SAMD3: variants seen among roughly 807,000 people sequenced by gnomAD.
SAMD3 encodes the protein sterile alpha motif domain-containing protein 3.
In SAMD3, 63 loss-of-function variants were observed where a neutral mutation model predicts 58.5. That is an observed-to-expected ratio of 1.08 (90% CI 0.88 to 1.33). SAMD3 has a LOEUF of 1.33. SAMD3 is among the 40% of genes most tolerant of loss of function. SAMD3 has a pLI of 0.00. For synonymous variants in SAMD3, 220 were observed against 210.3 expected, an observed-to-expected ratio of 1.05 and a Z score of -0.40; for missense variants, 604 against 608.4, an observed-to-expected ratio of 0.99 and a Z score of 0.08.
At chr6:130,233,063 A>G (rs1044546418) in intron 2 of SAMD3, among the ~76,000 whole-genome samples, 1 of 152,028 alleles carries the variant, frequency 6.6e-6, no homozygotes, top group African/African-American at 2.4e-5. Flanking sequence ...TCCAAACTTC[A>G]AAGTCTGAGG....
At chr6:130,278,151 T>C (rs1774849593) in intron 2 of SAMD3, among the ~76,000 whole-genome samples, 1 of 152,160 alleles carries the variant, frequency 6.6e-6, no homozygotes, top group South Asian at 2.1e-4. Flanking sequence ...ACCACTCAGA[T>C]TGATAAACTG....
rs1299136942 is a variant in SAMD3, at chr6:130,214,267, A to G, written c.269+70T>C. On this transcript the variant is annotated intron_variant, in intron 4 of 11. Coordinates refer to ENST00000439090, the MANE Select transcript of SAMD3 (RefSeq NM_001017373.4). ...CAGTTTTCCAAGGGCTTTAAACCCA[A>G]ACGTCACGCTCTAGCCATCATTGGG... 5.4e-6 allele frequency: 7 copies of G among 1,303,250 alleles called. No homozygotes were observed. The Admixed American group carries it at 1.9e-4, about 35-fold the overall frequency. The allele number at this position is 1,303,250 out of a possible 1,614,324, so 80.7% of individuals were successfully genotyped here. A position where few individuals can be genotyped will look rare whatever the true frequency, so the allele number is the denominator to read the frequency against.
At chr6:130,226,784 T>C (rs993566498), upstream of SAMD3, among the ~76,000 whole-genome samples, 6 of 152,138 alleles carry the variant, frequency 3.9e-5, no homozygotes, top group South Asian at 6.2e-4. Flanking sequence ...GCCGAGATCA[T>C]GCCATTGCAC....
intron 2 of SAMD3, among the ~76,000 whole-genome samples, chr6:130,261,516 GTTTTGA>G (rs991520199): frequency 1.3e-5 from 2 of 152,140 alleles, no homozygotes; most frequent in Non-Finnish European, 2.9e-5. Context: ...TCTGATTTTG[GTTTTGA>G]TTTTGATTTG....
At chr6:130,342,979 A>C (rs1432011672) in intron 1 of SAMD3, among the ~76,000 whole-genome samples, 1 of 152,094 alleles carries the variant, frequency 6.6e-6, no homozygotes, top group Non-Finnish European at 1.5e-5. Flanking sequence ...AAAATGAGTT[A>C]AGTAAGTCAT....
chr6:130,226,032 CT>C (rs1796373795), upstream of SAMD3, among the ~76,000 whole-genome samples: 9 of 152,330 alleles, frequency 5.9e-5, 1 homozygote, highest in African/African-American at 2.2e-4. Context: ...CTGGTACAGT[CT>C]TCTATCCACT....
intron 2 of SAMD3, among the ~76,000 whole-genome samples, chr6:130,230,979 A>G (rs1439406601): frequency 6.6e-6 from 1 of 152,168 alleles, no homozygotes; most frequent in East Asian, 1.9e-4. Flanking sequence ...GCCTTTAGTC[A>G]TGTTCTGTTC....
Position 130,146,086 on chromosome 6 carries a change from A to T in SAMD3, c.1119T>A (p.Phe373Leu). 1 of 1,601,776 alleles carries T rather than the reference A, an allele frequency of 6.2e-7. No individual in the cohort carries two copies. Among genetic ancestry groups the T allele is most frequent in the Non-Finnish European group, 8.5e-7 (1 of 1,173,462 alleles). Residue 373 changes from phenylalanine to leucine, a missense_variant, in exon 10 of 12, where the codon TTT (phenylalanine) becomes TTA (leucine). Coordinates refer to ENST00000439090, the MANE Select transcript of SAMD3 (RefSeq NM_001017373.4). ...TATTGATTGGATTGTCCACCACTGA[A>T]AAAGAAGTCAGTATATTTTCTGAAT... ...ESYSENILTSFSVVDNPINIV... is the reference protein window; with the variant it reads ...ESYSENILTSLSVVDNPINIV...
intron 9 of SAMD3, among the ~76,000 whole-genome samples, chr6:130,148,316 G>A (rs1291843903): frequency 1.3e-5 from 2 of 152,148 alleles, no homozygotes; most frequent in Non-Finnish European, 2.9e-5. Context: ...TTACAAATCT[G>A]ATCCTTTCAT....
chr6:130,322,290 G>GTTC (rs1230566597), intron 1 of SAMD3, among the ~76,000 whole-genome samples: 2 of 152,154 alleles, frequency 1.3e-5, no homozygotes, highest in Non-Finnish European at 2.9e-5. Flanking sequence ...CCCCAAGGAA[G>GTTC]TTCTTTTTCT....
At chr6:130,276,485 T>A (rs999629741) in intron 2 of SAMD3, among the ~76,000 whole-genome samples, 1 of 151,968 alleles carries the variant, frequency 6.6e-6, no homozygotes, top group African/African-American at 2.4e-5. Context: ...ATAATATGAG[T>A]CTCTCATAAC....
At chr6:130,252,922 T>C (rs1488450748) in intron 2 of SAMD3, among the ~76,000 whole-genome samples, 1 of 152,186 alleles carries the variant, frequency 6.6e-6, no homozygotes, top group African/African-American at 2.4e-5. Context: ...GACGATGACA[T>C]TGGTAAAATT....
intron 2 of SAMD3, among the ~76,000 whole-genome samples, chr6:130,309,890 C>G (rs1227502328): frequency 6.6e-6 from 1 of 152,064 alleles, no homozygotes; most frequent in Non-Finnish European, 1.5e-5. Context: ...CTCCTTCCAG[C>G]TCAGAAAGCA....
At chr6:130,292,255 T>G (rs1274526457) in intron 2 of SAMD3, among the ~76,000 whole-genome samples, 1 of 144,544 alleles carries the variant, frequency 6.9e-6, no homozygotes, top group African/African-American at 2.6e-5. Context: ...AGGAATAACT[T>G]TTTTTTTCTT....
intron 1 of SAMD3, among the ~76,000 whole-genome samples, chr6:130,355,128 A>T (rs1055292229): frequency 1.3e-5 from 2 of 152,186 alleles, no homozygotes; most frequent in African/African-American, 4.8e-5. Context: ...TTTGTTTACA[A>T]TAAGGATGCA....
At chr6:130,328,271 C>A (rs74940518) in intron 1 of SAMD3, among the ~76,000 whole-genome samples, 1 of 152,190 alleles carries the variant, frequency 6.6e-6, no homozygotes, top group Admixed American at 6.5e-5. Context: ...AGCTATGTGC[C>A]CTGGTCTCTG....
intron 2 of SAMD3, among the ~76,000 whole-genome samples, chr6:130,303,929 A>G (rs1261328490): frequency 6.6e-6 from 1 of 152,140 alleles, no homozygotes; most frequent in East Asian, 1.9e-4. Context: ...GATTAACATA[A>G]GGTTTTAATT....
intron 1 of SAMD3, chr6:130,221,523 A>G (rs1796225116): frequency 6.6e-6 from 1 of 152,196 alleles, no homozygotes; most frequent in South Asian, 2.1e-4. Context: ...CAATTAACAC[A>G]TATTTTGTAT....
intron 1 of SAMD3, among the ~76,000 whole-genome samples, chr6:130,336,312 AG>A (rs1445890333): frequency 6.6e-6 from 1 of 152,176 alleles, no homozygotes; most frequent in East Asian, 1.9e-4. Context: ...TCACATTGCT[AG>A]GGTCACACAG....
Sources: allele counts gnomAD v4.1 joint callset (sites outside exome capture counted in the v4.1 genomes callset), GRCh38; gene constraint gnomAD v4.1.1; transcripts MANE v1.5; gene names NCBI Gene and HGNC (gene_info 2026-07-23, HGNC 2026-07-21).